The following EFR3A variants were observed in gnomAD, a reference collection of about 807,000 sequenced individuals.
EFR3A encodes EFR3 homolog A.
Under a neutral mutation model 104.4 loss-of-function variants are expected in EFR3A, and 76 were observed. The observed-to-expected ratio is 0.73, with a 90% CI of 0.60 to 0.88. EFR3A has a LOEUF of 0.88. EFR3A is among the 40% of genes least tolerant of loss of function. The pLI is 0.00. For missense variants in EFR3A, 985 were observed against 1,012.5 expected (o/e 0.97, Z 0.37); for synonymous variants, 330 against 330.0 (o/e 1.00, Z 0.00).
At chr8:131,989,370 C>G (rs2130771960) in intron 18 of EFR3A, among the ~76,000 whole-genome samples, 1 of 152,304 alleles carries the variant, frequency 6.6e-6, no homozygotes, top group Middle Eastern at 3.4e-3. Flanking sequence ...TACCCATCAT[C>G]ATCACAATAG....
chr8:131,976,845 T>C (rs796370035), intron 11 of EFR3A, among the ~76,000 whole-genome samples, 196 bp from the exon 12 acceptor site: 6 of 152,288 alleles, frequency 3.9e-5, no homozygotes, highest in African/African-American at 1.4e-4. Context: ...AAATTTTTTG[T>C]TTGATATTTT....
In EFR3A at chr8:131,950,018, G is replaced by T; in HGVS notation, c.416G>T (p.Arg139Leu). 1 of 1,607,092 alleles carries T rather than the reference G, an allele frequency of 6.2e-7. No individual in the cohort carries two copies. The highest frequency in any genetic ancestry group is 8.5e-7 in the Non-Finnish European group (1 of 1,177,310). The change falls in exon 5 of 23, where the codon CGT becomes CTT. Residue 139 changes from arginine to leucine, a missense_variant. Transcript: ENST00000254624. ...GAAGACACACCATCCTATCACAGACGTTATGACTTTTTTGTGTCTCGATTC... is the reference window on the plus strand; with the variant it reads ...GAAGACACACCATCCTATCACAGACTTTATGACTTTTTTGTGTCTCGATTC... ...IEEDTPSYHR[R>L]YDFFVSRFSA... is the part of the protein sequence containing the mutation.
intron 18 of EFR3A, among the ~76,000 whole-genome samples, chr8:131,990,656 G>A (rs1795820894): frequency 6.6e-6 from 1 of 152,126 alleles, no homozygotes; most frequent in Non-Finnish European, 1.5e-5. Flanking sequence ...GTAGTACTTT[G>A]GTTGTAATTT....
chr8:131,950,374 C>T (rs1347622925), intron 5 of EFR3A, among the ~76,000 whole-genome samples: 1 of 152,112 alleles, frequency 6.6e-6, no homozygotes, highest in Non-Finnish European at 1.5e-5. Flanking sequence ...CTAATCCTGC[C>T]ATGTGGATCT....
chr8:131,968,476 A>G (rs1023755704), intron 9 of EFR3A, 46 bp downstream of exon 9: 3 of 1,594,610 alleles, frequency 1.9e-6, no homozygotes, highest in African/African-American at 1.3e-5. Flanking sequence ...ATCTGGTTCA[A>G]AGTGTCCTTT....
chr8:132,005,958 A>C (rs1460801004), intron 22 of EFR3A, among the ~76,000 whole-genome samples: 1 of 152,340 alleles, frequency 6.6e-6, no homozygotes, highest in African/African-American at 2.4e-5. Context: ...ATGCATTAAC[A>C]CATATCTAGA....
chr8:131,964,561 C>A (rs546132578), intron 8 of EFR3A, among the ~76,000 whole-genome samples: 1 of 151,972 alleles, frequency 6.6e-6, no homozygotes. Context: ...CACTGCTCAA[C>A]GAAATAAAAG....
intron 4 of EFR3A, among the ~76,000 whole-genome samples, chr8:131,948,024 C>T (rs1818520024): frequency 6.6e-6 from 1 of 152,022 alleles, no homozygotes; most frequent in Admixed American, 6.6e-5. Context: ...TCTTTAGTTT[C>T]ATTGTATCAC....
chr8:131,952,548 T>C (rs1000415153), intron 5 of EFR3A, among the ~76,000 whole-genome samples: 1 of 152,150 alleles, frequency 6.6e-6, no homozygotes, highest in African/African-American at 2.4e-5. Flanking sequence ...ATGTGCTCCA[T>C]GCCACCTTGT....
chr8:131,979,968 T>G (rs1261328126), intron 14 of EFR3A, among the ~76,000 whole-genome samples: 1 of 152,156 alleles, frequency 6.6e-6, no homozygotes, highest in African/African-American at 2.4e-5. Context: ...ATTATGATAT[T>G]TATGGTTATT....
At chr8:131,980,318 A>T (rs1820543518) in intron 14 of EFR3A, among the ~76,000 whole-genome samples, 2 of 152,110 alleles carry the variant, frequency 1.3e-5, no homozygotes, top group Admixed American at 1.3e-4. Context: ...TTAAAACTTC[A>T]TTTAAAAAAT....
At position 131,939,608 on chromosome 8, in the gene EFR3A, C is replaced by T. The variant is rs534442427; in HGVS notation, c.11-891C>T. Among the ~76,000 whole-genome samples, 19 of 152,112 alleles carry T rather than the reference C, an allele frequency of 1.2e-4. No individual in the cohort carries two copies. In the East Asian group the frequency reaches 2.7e-3, roughly 22 times the overall value. On this transcript the variant is annotated intron_variant, in intron 1 of 22. Transcript: ENST00000254624. ...GAAACATTAGGACTTGTTTTTTAGA[C>T]GTGTGGCTAGTCTGTGCCATGCTAA...
intron 18 of EFR3A, among the ~76,000 whole-genome samples, chr8:131,991,288 C>T (rs1046970098): frequency 6.6e-6 from 1 of 152,120 alleles, no homozygotes; most frequent in African/African-American, 2.4e-5. Context: ...CCTCCCACAA[C>T]AGGTGGGAAT....
chr8:132,006,817 T>G (rs1822078563), intron 22 of EFR3A, among the ~76,000 whole-genome samples: 1 of 151,906 alleles, frequency 6.6e-6, no homozygotes, highest in South Asian at 2.1e-4. Flanking sequence ...CCTAAATAAA[T>G]GGGGTTACTA....
chr8:131,916,788 A>G (rs1466345514), intron 1 of EFR3A, among the ~76,000 whole-genome samples: 2 of 152,238 alleles, frequency 1.3e-5, no homozygotes, highest in African/African-American at 2.4e-5. Flanking sequence ...AGCAAGAAGC[A>G]GAAACACTGG....
At chr8:132,003,908 C>T (rs754029315) in intron 22 of EFR3A, among the ~76,000 whole-genome samples, 2 of 152,116 alleles carry the variant, frequency 1.3e-5, no homozygotes, top group Admixed American at 6.5e-5. Flanking sequence ...AGTGTGGAAA[C>T]CTGCCTTTGT....
chr8:131,928,480 A>G (rs953899641), intron 1 of EFR3A, among the ~76,000 whole-genome samples: 4 of 152,168 alleles, frequency 2.6e-5, no homozygotes, highest in South Asian at 4.1e-4. Flanking sequence ...TAGATAGCAG[A>G]CTTTTATCTT....
chr8:131,961,949 CA>C, intron 8 of EFR3A, among the ~76,000 whole-genome samples: 1 of 152,122 alleles, frequency 6.6e-6, no homozygotes, highest in African/African-American at 2.4e-5. Flanking sequence ...ATTTCATATC[CA>C]GCCAAACTAA....
At chr8:131,918,349 G>A (rs1229528003) in intron 1 of EFR3A, among the ~76,000 whole-genome samples, 1 of 152,284 alleles carries the variant, frequency 6.6e-6, no homozygotes, top group South Asian at 2.1e-4. Flanking sequence ...TTTTGACTTT[G>A]TGTTACTATA....
Sources: allele counts gnomAD v4.1 joint callset (sites outside exome capture counted in the v4.1 genomes callset), GRCh38; gene constraint gnomAD v4.1.1; transcripts MANE v1.5; gene names NCBI Gene and HGNC (gene_info 2026-07-23, HGNC 2026-07-21).